The following POMP variants were observed in gnomAD, a reference collection of about 807,000 sequenced individuals.
POMP encodes proteasome maturation protein.
Under a neutral mutation model 20.6 loss-of-function variants are expected in POMP, and 12 were observed. The ratio of observed to expected loss-of-function variants is 0.58; its 90% CI spans 0.37 to 0.94. POMP has a LOEUF of 0.94. Ranked by LOEUF, POMP falls within the 40% of genes least tolerant of loss-of-function variation. POMP has a pLI of 0.01. For missense variants in POMP, 136 were observed against 161.1 expected (o/e 0.84, Z 0.84); for synonymous variants, 53 against 55.0 (o/e 0.96, Z 0.16).
intron 1 of POMP, among the ~76,000 whole-genome samples, chr13:28,661,494 C>G (rs1254159503): frequency 6.6e-6 from 1 of 150,726 alleles, no homozygotes; most frequent in East Asian, 1.9e-4. Flanking sequence ...GTTAGCATCT[C>G]ATGCTTTGCC....
intron 5 of POMP, among the ~76,000 whole-genome samples, chr13:28,675,511 T>A (rs1334334063): frequency 6.6e-6 from 1 of 152,160 alleles, no homozygotes; most frequent in Non-Finnish European, 1.5e-5. Flanking sequence ...TTTTTTCTTG[T>A]GGGAACTGTT....
intron 4 of POMP, among the ~76,000 whole-genome samples, chr13:28,670,501 C>T (rs1369586350): frequency 1.3e-5 from 2 of 152,176 alleles, no homozygotes; most frequent in African/African-American, 4.8e-5. Context: ...AGACTCTAAT[C>T]AGAATAATCT....
At position 28,675,430 on chromosome 13, in the gene POMP, C is replaced by T. The variant is rs575891473; in HGVS notation, c.359-2605C>T. 2.4e-4 allele frequency among the ~76,000 whole-genome samples: 36 copies of T among 152,312 alleles called. No individual in the cohort carries two copies. In the South Asian group the frequency reaches 6.6e-3, roughly 28 times the overall value. On this transcript the variant is annotated intron_variant, in intron 5 of 5. Transcript: ENST00000380842. ...CTGGGATTACAGGCGTGAGCCATCA[C>T]GCCCGGCCAGGTAGATGATTTTTAT...
rs186613474 is a variant in POMP, at chr13:28,664,449, C to T, written c.102-60C>T. The T allele has an allele frequency of 1.4e-3, 1,602 of 1,153,428 alleles. 6 individuals carry two copies. The highest frequency in any genetic ancestry group is 1.9e-3 in the Non-Finnish European group (1,476 of 783,740). 71.4% of individuals were successfully genotyped at this position (1,153,428 alleles called of 1,614,324 possible). A position where few individuals can be genotyped will look rare whatever the true frequency, so the allele number is the denominator to read the frequency against. ...ATCCCTTTATAGATATGATTTTGAG[C>T]TCTGGGTATTGAGTGATATTTAATC... On this transcript the variant is annotated intron_variant, in intron 2 of 5. Coordinates refer to ENST00000380842, the MANE Select transcript of POMP (RefSeq NM_015932.6).
intron 1 of POMP, among the ~76,000 whole-genome samples, chr13:28,662,078 T>C (rs1363415534): frequency 1.3e-5 from 2 of 152,216 alleles, no homozygotes; most frequent in East Asian, 3.8e-4. Flanking sequence ...ACTGGAAACA[T>C]ATTTAGCCAG....
At chr13:28,673,001 TA>T (rs561952354) in intron 5 of POMP, among the ~76,000 whole-genome samples, 342 of 152,124 alleles carry the variant, frequency 2.2e-3, no homozygotes, top group African/African-American at 7.9e-3. Flanking sequence ...AATCTTTCTT[TA>T]AAAAGTAGCT....
intron 4 of POMP, among the ~76,000 whole-genome samples, chr13:28,671,264 A>C (rs1012438045): frequency 6.6e-6 from 1 of 152,168 alleles, no homozygotes; most frequent in African/African-American, 2.4e-5. Flanking sequence ...AATGTGAAAT[A>C]AGGAGAACAG....
At chr13:28,664,161 A>T (rs563556692) in intron 2 of POMP, among the ~76,000 whole-genome samples, 42 of 152,352 alleles carry the variant, frequency 2.8e-4, no homozygotes, top group Non-Finnish European at 5.4e-4. Flanking sequence ...TGCAAGAAGT[A>T]CCTCATCAGA....
intron 5 of POMP, 136 bp from the exon 6 acceptor site, chr13:28,677,899 G>A: frequency 1.2e-6 from 1 of 853,012 alleles, no homozygotes; most frequent in Admixed American, 2.0e-5. Flanking sequence ...CCCCACCCCA[G>A]CCCCAGGCAA....
intron 1 of POMP, among the ~76,000 whole-genome samples, chr13:28,661,477 A>G (rs1447918738): frequency 3.9e-5 from 6 of 152,156 alleles, no homozygotes; most frequent in Non-Finnish European, 8.8e-5. Flanking sequence ...AAAAGTAAAT[A>G]AATAAAGTTA....
chr13:28,666,268 G>A (rs1291205363), intron 3 of POMP, among the ~76,000 whole-genome samples: 3 of 152,264 alleles, frequency 2.0e-5, no homozygotes, highest in African/African-American at 7.2e-5. Flanking sequence ...CTCACTATAA[G>A]CCAGCAGATT....
intron 4 of POMP, among the ~76,000 whole-genome samples, chr13:28,670,862 C>G (rs1318609802): frequency 1.3e-5 from 2 of 152,134 alleles, no homozygotes; most frequent in African/African-American, 4.8e-5. Flanking sequence ...GCCTGGCCAA[C>G]ATGGTGAAAC....
intron 5 of POMP, among the ~76,000 whole-genome samples, chr13:28,675,064 T>C (rs1884606811): frequency 6.6e-6 from 1 of 152,066 alleles, no homozygotes; most frequent in African/African-American, 2.4e-5. Flanking sequence ...AGCCACTTGC[T>C]ATCTTGTGGG....
At chr13:28,670,192 A>G (rs921237594) in intron 4 of POMP, among the ~76,000 whole-genome samples, 2 of 152,198 alleles carry the variant, frequency 1.3e-5, no homozygotes, top group Non-Finnish European at 2.9e-5. Flanking sequence ...GGAAAGCCCA[A>G]TTGGAAGTCC....
At chr13:28,677,697 AAAC>A (rs1884653330) in intron 5 of POMP, among the ~76,000 whole-genome samples, 1 of 152,256 alleles carries the variant, frequency 6.6e-6, no homozygotes, top group African/African-American at 2.4e-5. Flanking sequence ...TTTGAAAAAA[AAAC>A]TTTTGTCAAT....
intron 1 of POMP, among the ~76,000 whole-genome samples, chr13:28,662,022 A>G (rs1771206): frequency 0.044 from 6,773 of 152,274 alleles, 505 homozygotes; most frequent in African/African-American, 0.15. Context: ...TTCTTTGCAC[A>G]TAAGATGTTT....
chr13:28,678,142 T>C lies in POMP; in HGVS notation c.*40T>C. The C allele has an allele frequency of 6.4e-7, 1 of 1,558,682 alleles. No homozygotes were observed. Among genetic ancestry groups the C allele is most frequent in the Non-Finnish European group, 8.9e-7 (1 of 1,129,830 alleles). Reference sequence around the variant, plus strand: ...TGGAAACCGAGGGCTGCATCTTGTTTATAGTCATCTTTGTACTGTAATTTG... The same window carrying C: ...TGGAAACCGAGGGCTGCATCTTGTTCATAGTCATCTTTGTACTGTAATTTG... On this transcript the variant is annotated 3_prime_UTR_variant, in exon 6 of 6. Transcript: ENST00000380842.
intron 4 of POMP, among the ~76,000 whole-genome samples, chr13:28,671,441 TTC>T (rs1317683339): frequency 7.3e-6 from 1 of 136,712 alleles, no homozygotes; most frequent in African/African-American, 3.3e-5. Context: ...TTGCCCAGAA[TTC>T]TCTGTCTTTT....
intron 3 of POMP, 80 bp from the exon 4 acceptor site, chr13:28,668,393 G>A (rs1287338120): frequency 3.2e-6 from 3 of 948,962 alleles, no homozygotes; most frequent in African/African-American, 3.2e-5. Context: ...TCTAACTATT[G>A]TGTTATATAT....
Sources: allele counts gnomAD v4.1 joint callset (sites outside exome capture counted in the v4.1 genomes callset), GRCh38; gene constraint gnomAD v4.1.1; transcripts MANE v1.5; gene names NCBI Gene and HGNC (gene_info 2026-07-23, HGNC 2026-07-21).